SAMD5: variants seen among roughly 807,000 people sequenced by gnomAD.
The protein encoded by SAMD5 is sterile alpha motif domain-containing protein 5.
Under a neutral mutation model 11.3 loss-of-function variants are expected in SAMD5, and 13 were observed. The ratio of observed to expected loss-of-function variants is 1.15; its 90% CI spans 0.75 to 1.83. The LOEUF (loss-of-function observed/expected upper bound fraction) is 1.83, where lower values mean the gene tolerates loss of function less well. Among genes scored for constraint, SAMD5 ranks in the 40% most tolerant of loss-of-function variants. The pLI is 0.00. For synonymous variants in SAMD5, 129 were observed against 111.3 expected, an observed-to-expected ratio of 1.16 and a Z score of -1.00; for missense variants, 255 against 239.1, an observed-to-expected ratio of 1.07 and a Z score of -0.44.
chr6:147,769,416 T>A, the SAMD5 span, among the ~76,000 whole-genome samples: 1 of 152,156 alleles, frequency 6.6e-6, no homozygotes, highest in African/African-American at 2.4e-5. Context: ...AATTATTTAT[T>A]TTCTCTGTGC....
intron 1 of SAMD5, among the ~76,000 whole-genome samples, chr6:147,717,658 G>A (rs1272931813): frequency 6.6e-6 from 1 of 152,106 alleles, no homozygotes; most frequent in Non-Finnish European, 1.5e-5. Flanking sequence ...GACCAGCTTG[G>A]CCAACATGGC....
the SAMD5 span, among the ~76,000 whole-genome samples, chr6:147,860,780 G>C: frequency 1.3e-5 from 2 of 152,148 alleles, no homozygotes; most frequent in African/African-American, 4.8e-5. Context: ...TCTGTGTTTT[G>C]TTAGCTTGTT....
At chr6:147,911,842 C>T in the SAMD5 span, among the ~76,000 whole-genome samples, 1 of 152,236 alleles carries the variant, frequency 6.6e-6, no homozygotes, top group Non-Finnish European at 1.5e-5. Flanking sequence ...TGCATCAGCT[C>T]TCAGCTGTTG....
the SAMD5 span, among the ~76,000 whole-genome samples, chr6:147,932,533 A>C: frequency 6.6e-6 from 1 of 151,266 alleles, no homozygotes; most frequent in African/African-American, 2.4e-5. Context: ...TTGTCTTCCC[A>C]ACTCTTACCC....
chr6:147,807,489 G>T, the SAMD5 span, among the ~76,000 whole-genome samples: 1 of 152,174 alleles, frequency 6.6e-6, no homozygotes, highest in African/African-American at 2.4e-5. Context: ...ACTTTAAAAT[G>T]AGAAAAACAA....
At chr6:147,859,539 C>T in the SAMD5 span, among the ~76,000 whole-genome samples, 19 of 152,106 alleles carry the variant, frequency 1.2e-4, no homozygotes, top group East Asian at 1.9e-4. Flanking sequence ...CGTGAGTAGG[C>T]GAAACATTAG....
At chr6:147,875,488 A>C in the SAMD5 span, among the ~76,000 whole-genome samples, 1 of 152,006 alleles carries the variant, frequency 6.6e-6, no homozygotes, top group Non-Finnish European at 1.5e-5. Context: ...CCATTCGACT[A>C]TCTCATCCCT....
chr6:147,669,612 G>A (rs1790769681), intron 1 of SAMD5, among the ~76,000 whole-genome samples: 2 of 151,508 alleles, frequency 1.3e-5, no homozygotes, highest in South Asian at 2.1e-4. Context: ...TGTATTTTTA[G>A]TAGAGATGGG....
intron 1 of SAMD5, among the ~76,000 whole-genome samples, chr6:147,671,627 T>C (rs576065002): frequency 2.4e-4 from 36 of 152,308 alleles, no homozygotes; most frequent in African/African-American, 8.7e-4. Context: ...TCATTGGGTG[T>C]TATTAATTTT....
chr6:147,647,277 A>C (rs965539738), intron 1 of SAMD5, among the ~76,000 whole-genome samples: 1 of 152,168 alleles, frequency 6.6e-6, no homozygotes, highest in Non-Finnish European at 1.5e-5. Flanking sequence ...GGCTGAAGGG[A>C]GGAAGAAACA....
At chr6:147,613,532 C>G (rs966214166) in intron 1 of SAMD5, among the ~76,000 whole-genome samples, 1 of 151,594 alleles carries the variant, frequency 6.6e-6, no homozygotes, top group Non-Finnish European at 1.5e-5. Context: ...GAACAATGAC[C>G]ACCAGGCCCG....
At position 147,566,348 on chromosome 6, in the gene SAMD5, G is replaced by T. The variant is rs117704019; in HGVS notation, c.*1892G>T. 6,872 of 982,218 alleles carry T rather than the reference G, an allele frequency of 7.0e-3. 30 individuals carry two copies. The highest frequency in any genetic ancestry group is 7.9e-3 in the Non-Finnish European group (6,512 of 826,890). The allele number at this position is 982,218 out of a possible 1,614,324, so 60.8% of individuals were successfully genotyped here. A position where few individuals can be genotyped will look rare whatever the true frequency, so the allele number is the denominator to read the frequency against. On this transcript the variant is annotated 3_prime_UTR_variant, in exon 2 of 2. Transcript: ENST00000367474. The stretch of plus-strand genomic sequence containing the variant: ...ATTCCTAAGTAGATTCTTTTGAGTG[G>T]TAGGGGAGTCTGTATAGATTACAGA...
At chr6:147,631,880 T>C (rs571332786) in intron 1 of SAMD5, among the ~76,000 whole-genome samples, 36 of 152,200 alleles carry the variant, frequency 2.4e-4, no homozygotes, top group Non-Finnish European at 5.3e-4. Flanking sequence ...TAGATTTCCA[T>C]GATGGAAAGG....
chr6:147,922,929 G>A, the SAMD5 span, among the ~76,000 whole-genome samples: 3 of 152,112 alleles, frequency 2.0e-5, no homozygotes, highest in African/African-American at 7.2e-5. Flanking sequence ...ACATCTTCAA[G>A]TGTAAACACA....
chr6:147,740,417 C>T (rs1352121186), downstream of SAMD5, among the ~76,000 whole-genome samples: 1 of 152,194 alleles, frequency 6.6e-6, no homozygotes, highest in Non-Finnish European at 1.5e-5. Flanking sequence ...GAATTGATCT[C>T]CCACTACATT....
chr6:147,525,482 A>T (rs896444491), intron 1 of SAMD5, among the ~76,000 whole-genome samples: 1 of 151,758 alleles, frequency 6.6e-6, no homozygotes, highest in African/African-American at 2.4e-5. Flanking sequence ...AATGGTGTTT[A>T]ATCTTTCAGT....
At chr6:147,514,119 G>C (rs1254826825) in intron 1 of SAMD5, among the ~76,000 whole-genome samples, 1 of 152,140 alleles carries the variant, frequency 6.6e-6, no homozygotes, top group Non-Finnish European at 1.5e-5. Context: ...GAGAAAAGGA[G>C]ATGTTGGGGG....
chr6:147,573,961 A>G (rs1043259830), downstream of SAMD5, among the ~76,000 whole-genome samples: 1 of 152,004 alleles, frequency 6.6e-6, no homozygotes, highest in Admixed American at 6.6e-5. Flanking sequence ...CATCTCTACT[A>G]AAAAAACAAA....
intron 1 of SAMD5, chr6:147,737,288 A>C (rs1014974239): frequency 4.2e-6 from 5 of 1,195,012 alleles, no homozygotes; most frequent in Non-Finnish European, 4.3e-6. Context: ...ACACTTAATT[A>C]AACTTCATTT....
Sources: allele counts gnomAD v4.1 joint callset (sites outside exome capture counted in the v4.1 genomes callset), GRCh38; gene constraint gnomAD v4.1.1; transcripts MANE v1.5; gene names NCBI Gene and HGNC (gene_info 2026-07-23, HGNC 2026-07-21).